The following NKIRAS1 variants were observed in gnomAD, a reference collection of about 807,000 sequenced individuals.
NKIRAS1 encodes the protein NF-kappa-B inhibitor-interacting Ras-like protein 1.
Under a neutral mutation model 19.8 loss-of-function variants are expected in NKIRAS1, and 16 were observed. The ratio of observed to expected loss-of-function variants is 0.81; its 90% CI spans 0.55 to 1.23. The LOEUF is 1.23. Ranked by LOEUF, NKIRAS1 falls within the 50% of genes most tolerant of loss-of-function variation. NKIRAS1 has a pLI of 0.00. For missense variants in NKIRAS1, 184 were observed against 220.0 expected, an observed-to-expected ratio of 0.84 and a Z score of 1.04; for synonymous variants, 88 against 79.0, an observed-to-expected ratio of 1.11 and a Z score of -0.61.
chr3:23,919,847 C>G (rs57810037), upstream of NKIRAS1: 1,524 of 1,020,354 alleles, frequency 1.5e-3, 19 homozygotes, highest in African/African-American at 0.024. Context: ...GCAGCTTTAT[C>G]GGAGTGATGG....
At chr3:23,919,013 T>C (rs2125255273), upstream of NKIRAS1, 1 of 607,292 alleles carries the variant, frequency 1.6e-6, no homozygotes, top group South Asian at 2.0e-5. Context: ...ATGTGTGTTG[T>C]TTTAGCAAGT....
rs922534021 is a variant in NKIRAS1 at position 23,894,077 on chromosome 3, C to T, written c.337-740G>A. 7.2e-4 allele frequency among the ~76,000 whole-genome samples: 110 copies of T among 152,158 alleles called. 1 individual carries two copies. Among genetic ancestry groups the T allele is most frequent in the Non-Finnish European group, 1.5e-3 (100 of 68,042 alleles). On this transcript the variant is annotated intron_variant, in intron 4 of 4. Transcript: ENST00000425478. The stretch of plus-strand genomic sequence containing the variant: ...ATTATTCACAATACTAAAAAGGTGA[C>T]TGCTAAGTGTCTGTTAAATGTATGG...
chr3:23,938,854 T>C (rs1405865150), intron 1 of NKIRAS1, among the ~76,000 whole-genome samples: 1 of 152,226 alleles, frequency 6.6e-6, no homozygotes, highest in Non-Finnish European at 1.5e-5. Context: ...GCAGTGTGAC[T>C]GCCCTGAGGC....
At position 23,936,992 on chromosome 3, in the gene NKIRAS1, G is replaced by T. The variant is rs551837365; in HGVS notation, c.-140+9331C>A. Among the ~76,000 whole-genome samples, 35 of 152,362 alleles carry T rather than the reference G, an allele frequency of 2.3e-4. 1 individual carries two copies. In the South Asian group the frequency reaches 6.6e-3, roughly 29 times the overall value. On this transcript the variant is annotated intron_variant, in intron 1 of 4. Transcript: ENST00000421515. ...TGCACTTGGAGAATTCACCAGTGGA[G>T]GAGAGCTCCTGATAAACTGAAGCTG...
Position 23,890,357 on chromosome 3 carries a change from TG to T in NKIRAS1, c.*2737del, listed in dbSNP as rs1323742447. ...ACGTTATGTTTTTTTGAAATTTTGA[TG>T]GAAAAATATCCAGCATGGTGGAGTG... is the stretch of plus-strand genomic sequence containing the variant. On this transcript the variant is annotated 3_prime_UTR_variant, in exon 5 of 5. Transcript: ENST00000425478. The T allele has an allele frequency of 2.1e-5, 13 of 630,168 alleles. No individual in the cohort carries two copies. Among genetic ancestry groups the T allele is most frequent in the Non-Finnish European group, 2.6e-5 (10 of 378,182 alleles). The allele number at this position is 630,168 out of a possible 1,614,324, so 39.0% of individuals were successfully genotyped here. A position where few individuals can be genotyped will look rare whatever the true frequency, so the allele number is the denominator to read the frequency against.
At chr3:23,945,569 C>G (rs1330049919) in intron 1 of NKIRAS1, 5 of 1,165,916 alleles carry the variant, frequency 4.3e-6, no homozygotes, top group Non-Finnish European at 3.2e-6. Flanking sequence ...GCCGCCTCCG[C>G]GAGGGCACCA....
At chr3:23,914,303 G>C (rs1704076917) in intron 1 of NKIRAS1, among the ~76,000 whole-genome samples, 1 of 152,104 alleles carries the variant, frequency 6.6e-6, no homozygotes, top group Admixed American at 6.5e-5. Flanking sequence ...TTCTATGTAA[G>C]TGGGCCATTC....
At chr3:23,902,595 C>T (rs750563837) in intron 3 of NKIRAS1, among the ~76,000 whole-genome samples, 13 of 152,116 alleles carry the variant, frequency 8.5e-5, no homozygotes, top group Non-Finnish European at 1.6e-4. Context: ...AAAGCCAGTC[C>T]GGTTAGCCCA....
intron 4 of NKIRAS1, among the ~76,000 whole-genome samples, chr3:23,899,014 C>T (rs892908335): frequency 1.3e-5 from 2 of 152,120 alleles, no homozygotes; most frequent in African/African-American, 4.8e-5. Flanking sequence ...CAGCTTCATC[C>T]CCAAACCACC....
At position 23,890,514 on chromosome 3, in the gene NKIRAS1, C is replaced by T; in HGVS notation, c.*2581G>A. On this transcript the variant is annotated 3_prime_UTR_variant, in exon 5 of 5. Transcript: ENST00000425478. The stretch of plus-strand genomic sequence containing the variant: ...TCTACATTCTTTTCTTCCAGCCGAC[C>T]CCTTGGTGGGAAGTATTGCCACTCA... 6.2e-7 allele frequency: 1 copy of T among 1,610,950 alleles called. No individual in the cohort carries two copies. Among genetic ancestry groups the T allele is most frequent in the Non-Finnish European group, 8.5e-7 (1 of 1,178,896 alleles).
rs940265415 is a variant in NKIRAS1, at chr3:23,926,200, C to T, written c.-139-14750G>A. Among the ~76,000 whole-genome samples the T allele has an allele frequency of 1.3e-5, 2 of 152,042 alleles. No homozygotes were observed. The highest frequency in any genetic ancestry group is 2.4e-5 in the African/African-American group (1 of 41,384). On this transcript the variant is annotated intron_variant, in intron 1 of 4. Coordinates refer to the NKIRAS1 transcript ENST00000421515. This position sits in a 1 kb window ranked among gnomAD's most constrained non-coding sequence, Gnocchi z 4.3. ...CCAAGTAGCTGGGATTACAGGCACCCGCCACCACGCCCAGCTAATTTTTGT... is the reference window on the plus strand; with the variant it reads ...CCAAGTAGCTGGGATTACAGGCACCTGCCACCACGCCCAGCTAATTTTTGT...
chr3:23,918,373 A>G, upstream of NKIRAS1: 1 of 1,537,130 alleles, frequency 6.5e-7, no homozygotes, highest in Non-Finnish European at 8.8e-7. Context: ...TATTAGTGAC[A>G]AGCCATTGAG....
chr3:23,921,140 A>T (rs1705056648), upstream of NKIRAS1, among the ~76,000 whole-genome samples: 1 of 152,214 alleles, frequency 6.6e-6, no homozygotes, highest in Non-Finnish European at 1.5e-5. Context: ...AAAACAAAAA[A>T]AATCCTTAAA....
intron 3 of NKIRAS1, among the ~76,000 whole-genome samples, chr3:23,905,444 G>C (rs769293005): frequency 2.0e-5 from 3 of 152,068 alleles, no homozygotes; most frequent in Non-Finnish European, 2.9e-5. Flanking sequence ...TATTATTTTT[G>C]ACCTAGAGTT....
In NKIRAS1 at chr3:23,892,993, G is replaced by A; in HGVS notation, c.*102C>T. The A allele has an allele frequency of 2.4e-6, 3 of 1,256,282 alleles. No homozygotes were observed. Among genetic ancestry groups the A allele is most frequent in the Non-Finnish European group, 3.2e-6 (3 of 936,774 alleles). 77.8% of individuals were successfully genotyped at this position (1,256,282 alleles called of 1,614,324 possible). On this transcript the variant is annotated 3_prime_UTR_variant, in exon 5 of 5. Transcript: ENST00000425478. ...CTTAGGAATTTTCCTAAGGACCAAA[G>A]GTAGATACAAATGGCCTATTTTAAA... is the stretch of plus-strand genomic sequence containing the variant.
chr3:23,924,802 A>C (rs1409575242), intron 1 of NKIRAS1, among the ~76,000 whole-genome samples: 1 of 152,212 alleles, frequency 6.6e-6, no homozygotes, highest in Admixed American at 6.5e-5. Context: ...TTTCATCTTT[A>C]AGTTCTGAAA....
chr3:23,897,956 G>C (rs1253512065), intron 4 of NKIRAS1, among the ~76,000 whole-genome samples: 1 of 152,138 alleles, frequency 6.6e-6, no homozygotes, highest in African/African-American at 2.4e-5. Flanking sequence ...TACGATTATG[G>C]GGATTGAAGA....
exon 1 of NKIRAS1, chr3:23,946,352 C>A (rs1018255429): frequency 2.7e-5 from 26 of 949,082 alleles, no homozygotes; most frequent in Non-Finnish European, 2.9e-5. Flanking sequence ...AAGTGCAGGA[C>A]GAGGGCGTGC....
At chr3:23,945,579 A>G (rs1486627038) in intron 1 of NKIRAS1, 3 of 1,148,708 alleles carry the variant, frequency 2.6e-6, no homozygotes, top group Non-Finnish European at 3.2e-6. Flanking sequence ...CGAGGGCACC[A>G]TGGAGGTGAA....
Sources: gnomAD v4.1 joint callset for allele counts (sites outside exome capture counted in the v4.1 genomes callset) on GRCh38, gnomAD v4.1.1 for gene constraint, Gnocchi (gnomAD v3.1) non-coding constraint, MANE v1.5 for transcripts, NCBI Gene and HGNC (gene_info 2026-07-23, HGNC 2026-07-21) for gene names.